The following PEX11G variants were observed in gnomAD, a reference collection of about 807,000 sequenced individuals.
The protein encoded by PEX11G is peroxisomal biogenesis factor 11 gamma, also known as peroxisomal membrane protein 11C.
PEX11G carries 20 observed loss-of-function variants against 22.5 expected under a neutral mutation model. The ratio of observed to expected loss-of-function variants is 0.89; its 90% CI spans 0.62 to 1.29. The LOEUF is 1.29. PEX11G is among the 50% of genes most tolerant of loss of function. PEX11G has a pLI of 0.00. For synonymous variants in PEX11G, 141 were observed against 154.5 expected (o/e 0.91, Z 0.65); for missense variants, 347 against 331.3 (o/e 1.05, Z -0.37).
chr19:7,482,214 G>A lies in PEX11G; in HGVS notation c.250-3C>T. 2 of 1,557,622 alleles carry A rather than the reference G, an allele frequency of 1.3e-6. No individual in the cohort carries two copies. The highest frequency in any genetic ancestry group is 2.4e-5 in the South Asian group (2 of 84,636). On this transcript the variant is annotated splice_region_variant and splice_polypyrimidine_tract_variant and intron_variant, in intron 2 of 4. Transcript: ENST00000221480. ...CAGCGGACAAAGGCGTCCTCCTCCT[G>A]CAGGACCAGGAGCAGAGGGGGCCTA...
upstream of PEX11G, chr19:7,489,037 T>A (rs369849275): frequency 1.1e-5 from 16 of 1,495,876 alleles, no homozygotes; most frequent in South Asian, 3.8e-5. Context: ...CACCGCGACG[T>A]CGGCGCGCCG....
chr19:7,493,930 C>G, upstream of PEX11G, among the ~76,000 whole-genome samples: 1 of 146,502 alleles, frequency 6.8e-6, no homozygotes, highest in Admixed American at 6.8e-5. Context: ...TTTTTAGAGT[C>G]AGAGTCTCGC....
At position 7,478,297 on chromosome 19, in the gene PEX11G, T is replaced by A; in HGVS notation, c.491+17A>T. ...GGAGGGAGTGGGCCTCCCTGCTGGG[T>A]GATCACGGGCTCCTACCTGGTGAAG... is the stretch of plus-strand genomic sequence containing the variant. On this transcript the variant is annotated intron_variant, in intron 4 of 4. Transcript: ENST00000221480. 6.2e-7 allele frequency: 1 copy of A among 1,608,376 alleles called. No homozygotes were observed. The highest frequency in any genetic ancestry group is 8.5e-7 in the Non-Finnish European group (1 of 1,178,686).
upstream of PEX11G, chr19:7,490,970 A>T (rs757144484): frequency 6.6e-6 from 1 of 151,818 alleles, no homozygotes; most frequent in African/African-American, 2.4e-5. Flanking sequence ...TTTTGTAGAA[A>T]TGGAGTCTTA....
upstream of PEX11G, among the ~76,000 whole-genome samples, chr19:7,491,623 C>T (rs762690615): frequency 7.9e-5 from 12 of 151,886 alleles, no homozygotes; most frequent in Non-Finnish European, 2.9e-5. Flanking sequence ...TTGTGTCGGC[C>T]TCTTCCACCA....
chr19:7,489,619 C>A, upstream of PEX11G: 1 of 518,046 alleles, frequency 1.9e-6, no homozygotes, highest in African/African-American at 2.1e-5. Context: ...TTTTATCACC[C>A]CCAAGAGAGA....
chr19:7,487,569 C>T (rs552742028), intron 1 of PEX11G, among the ~76,000 whole-genome samples: 1 of 152,204 alleles, frequency 6.6e-6, no homozygotes, highest in African/African-American at 2.4e-5. Context: ...ACTACAGGCA[C>T]GCACCACCAC....
chr19:7,489,068 C>A, upstream of PEX11G: 1 of 1,437,482 alleles, frequency 7.0e-7, no homozygotes, highest in Admixed American at 2.9e-5. Context: ...CGGGGCCAGG[C>A]CGGGGTACCG....
At chr19:7,484,789 G>A (rs73488452) in intron 2 of PEX11G, among the ~76,000 whole-genome samples, 2,525 of 151,304 alleles carry the variant, frequency 0.017, 76 homozygotes, top group African/African-American at 0.057. Context: ...AAAAAAAGAA[G>A]CTGACCACAG....
upstream of PEX11G, among the ~76,000 whole-genome samples, chr19:7,492,231 C>A (rs1360066953): frequency 6.6e-6 from 1 of 152,106 alleles, no homozygotes. Flanking sequence ...CTATGTTGAA[C>A]TTTTTGAGTA....
intron 2 of PEX11G, among the ~76,000 whole-genome samples, 168 bp from the exon 3 acceptor site, chr19:7,482,379 A>C (rs1977538200): frequency 6.6e-6 from 1 of 152,092 alleles, no homozygotes; most frequent in Non-Finnish European, 1.5e-5. Flanking sequence ...GGGTCCCCGC[A>C]CAGGCCTGAT....
intron 4 of PEX11G, 128 bp downstream of exon 4, chr19:7,478,186 G>A: frequency 1.0e-6 from 1 of 982,288 alleles, no homozygotes; most frequent in Non-Finnish European, 1.5e-6. Flanking sequence ...ACCAGAGGCT[G>A]TGATGACTCC....
At position 7,477,234 on chromosome 19, in the gene PEX11G, C is replaced by T. The variant is rs1447881976; in HGVS notation, c.694G>A (p.Ala232Thr). ...GTAGTGGCCTCGGCCTGGCCGCCGG[C>T]CCGGGCCGCCTGGTACATGCTGAGG... is the stretch of plus-strand genomic sequence containing the variant. The part of the protein sequence containing the change: ...SILSMYQAAR[A>T]GGQAEATTP The change falls in exon 5 of 5, where the codon GCC becomes ACC. Residue 232 changes from alanine to threonine, a missense_variant. Transcript: ENST00000221480. The T allele has an allele frequency of 2.6e-6, 4 of 1,541,162 alleles. No homozygotes were observed. Among genetic ancestry groups the T allele is most frequent in the Non-Finnish European group, 3.5e-6 (4 of 1,148,376 alleles).
chr19:7,488,951 C>G lies in PEX11G; in HGVS notation c.60G>C (p.Leu20=). The G allele has an allele frequency of 6.4e-7, 1 of 1,552,800 alleles. No homozygotes were observed. The highest frequency in any genetic ancestry group is 8.7e-7 in the Non-Finnish European group (1 of 1,149,752). ...CGGCCCCGGTCCGCCCCTGCCTCAC[C>G]AGGCGGTCCCGGCCCCTGTACGACT... ...ALESYRGRDR[L]IRVLGYCCQL... is the part of the protein sequence containing the mutation. Residue 20 remains leucine, a splice_region_variant and synonymous_variant, in exon 1 of 5, where the codon CTG becomes CTC. Coordinates refer to ENST00000221480, the MANE Select transcript of PEX11G (RefSeq NM_080662.4).
At chr19:7,491,691 T>C (rs73488461), upstream of PEX11G, among the ~76,000 whole-genome samples, 55,328 of 151,868 alleles carry the variant, frequency 0.36, 10,473 homozygotes, top group African/African-American at 0.47. Flanking sequence ...TCTTGCTGTG[T>C]CACCAGGCTG....
intron 2 of PEX11G, among the ~76,000 whole-genome samples, chr19:7,483,581 G>A (rs896393310): frequency 2.0e-5 from 3 of 152,348 alleles, no homozygotes; most frequent in South Asian, 4.1e-4. Context: ...GGGTCTCAGG[G>A]ATGCACCAGA....
upstream of PEX11G, chr19:7,491,138 A>G (rs73001522): frequency 0.17 from 25,956 of 151,968 alleles, 2,367 homozygotes; most frequent in Middle Eastern, 0.22. Context: ...AATAAAGGAA[A>G]AAGTATGTTT....
upstream of PEX11G, among the ~76,000 whole-genome samples, chr19:7,492,797 T>C (rs1599229167): frequency 6.6e-6 from 1 of 152,328 alleles, no homozygotes; most frequent in East Asian, 1.9e-4. Context: ...CAACTCTTGT[T>C]ACTCTTCTCC....
intron 1 of PEX11G, among the ~76,000 whole-genome samples, chr19:7,494,385 T>A (rs768380912): frequency 1.3e-5 from 2 of 151,708 alleles, no homozygotes; most frequent in Non-Finnish European, 2.9e-5. Context: ...GCAAGACCCA[T>A]CTCTAAAAAA....
Sources: allele counts gnomAD v4.1 joint callset (sites outside exome capture counted in the v4.1 genomes callset), GRCh38; gene constraint gnomAD v4.1.1; transcripts MANE v1.5; gene names NCBI Gene and HGNC (gene_info 2026-07-23, HGNC 2026-07-21).